SSBP3: variants seen among roughly 807,000 people sequenced by gnomAD.
The protein encoded by SSBP3 is single-stranded DNA-binding protein 3.
Under a neutral mutation model 69.6 loss-of-function variants are expected in SSBP3, and 5 were observed. That is an observed-to-expected ratio of 0.07 (90% CI 0.04 to 0.15). The LOEUF is 0.15. SSBP3 is among the 10% of genes least tolerant of loss of function. SSBP3 has a pLI of 1.00. For missense variants in SSBP3, 312 were observed against 534.0 expected (o/e 0.58, Z 4.10); for synonymous variants, 196 against 193.4 (o/e 1.01, Z -0.11).
chr1:54,264,433 A>C (rs950884893), intron 5 of SSBP3, among the ~76,000 whole-genome samples: 1 of 152,230 alleles, frequency 6.6e-6, no homozygotes, highest in Non-Finnish European at 1.5e-5. Flanking sequence ...ATATTCCTCA[A>C]ATCTGCCTAC....
At position 54,275,396 on chromosome 1, in the gene SSBP3, C is replaced by T. The variant is rs183721101; in HGVS notation, c.366+6042G>A. On this transcript the variant is annotated intron_variant, in intron 5 of 17. Coordinates refer to ENST00000610401, the Ensembl canonical transcript of SSBP3. ...TCTCCCCTTGTCACAAACTTGTCCT[C>T]GTCAGCAAAGAGAGGCCTTTCCTGC... is the stretch of plus-strand genomic sequence containing the variant. Among the ~76,000 whole-genome samples the T allele has an allele frequency of 2.2e-4, 33 of 152,374 alleles. 1 individual carries two copies. In the South Asian group the frequency reaches 4.1e-3, roughly 19 times the overall value.
chr1:54,268,205 A>T (rs909512451), intron 5 of SSBP3, among the ~76,000 whole-genome samples: 9 of 152,248 alleles, frequency 5.9e-5, no homozygotes, highest in Non-Finnish European at 1.0e-4. Context: ...CATGGGGTGA[A>T]CGTGGCCTTG....
chr1:54,360,791 T>C (rs1275046057), intron 4 of SSBP3, among the ~76,000 whole-genome samples: 1 of 151,964 alleles, frequency 6.6e-6, no homozygotes, highest in Non-Finnish European at 1.5e-5. Context: ...TGTAAGATAA[T>C]ACATGTGGCC....
In SSBP3 at chr1:54,316,659, ATAAAAT is replaced by A. The variant is rs1449864612; in HGVS notation, c.277-35138_277-35133del. Among the ~76,000 whole-genome samples, 189 of 66,262 alleles carry A rather than the reference ATAAAAT, an allele frequency of 2.9e-3. 16 individuals are homozygous for A. The highest frequency in any genetic ancestry group is 0.02 in the Admixed American group (126 of 6,382). The allele number at this position is 66,262 out of a possible 152,430, so 43.5% of individuals were successfully genotyped here. A position where few individuals can be genotyped will look rare whatever the true frequency, so the allele number is the denominator to read the frequency against. The stretch of plus-strand genomic sequence containing the variant: ...CGAGACTCCGTCTCAAAAAAAAAAA[ATAAAAT>A]AAATAAATAAATAAATAAATAAATA... On this transcript the variant is annotated intron_variant, in intron 4 of 17. Coordinates refer to ENST00000610401, the Ensembl canonical transcript of SSBP3.
At chr1:54,404,815 G>GT in intron 2 of SSBP3, 43 bp downstream of exon 2, 3 of 1,060,374 alleles carry the variant, frequency 2.8e-6, no homozygotes, top group East Asian at 3.0e-5. Context: ...TAGTGGGGGG[G>GT]GGGGGTGTCA....
intron 4 of SSBP3, among the ~76,000 whole-genome samples, chr1:54,343,021 G>C (rs1342565531): frequency 6.6e-6 from 1 of 152,148 alleles, no homozygotes; most frequent in Non-Finnish European, 1.5e-5. Flanking sequence ...GAACCCGGCC[G>C]GTTTTCAGGA....
chr1:54,260,556 G>C (rs1371603390), intron 5 of SSBP3, among the ~76,000 whole-genome samples: 1 of 152,246 alleles, frequency 6.6e-6, no homozygotes, highest in Non-Finnish European at 1.5e-5. Flanking sequence ...AGACAGCAAG[G>C]CTGGCAGGTG....
At chr1:54,325,172 G>C (rs1375055952) in intron 4 of SSBP3, among the ~76,000 whole-genome samples, 1 of 152,166 alleles carries the variant, frequency 6.6e-6, no homozygotes, top group East Asian at 1.9e-4. Flanking sequence ...CTGGGCCCAG[G>C]ACCTCATCCC....
intron 9 of SSBP3, among the ~76,000 whole-genome samples, chr1:54,247,923 T>TCTGGCA (rs1375047274): frequency 5.9e-5 from 9 of 152,264 alleles, no homozygotes; most frequent in Non-Finnish European, 1.3e-4. Context: ...CTATCTCCTT[T>TCTGGCA]CTGGCACTGG....
intron 4 of SSBP3, among the ~76,000 whole-genome samples, chr1:54,390,925 G>C (rs557632020): frequency 1.3e-5 from 2 of 152,238 alleles, no homozygotes; most frequent in Non-Finnish European, 2.9e-5. Context: ...CCGGCAGTGC[G>C]CACACGCCCG....
intron 4 of SSBP3, among the ~76,000 whole-genome samples, chr1:54,361,229 G>A (rs946573032): frequency 6.6e-6 from 1 of 152,162 alleles, no homozygotes; most frequent in Non-Finnish European, 1.5e-5. Flanking sequence ...GAAGGGAGAT[G>A]CTAATTCAGG....
chr1:54,279,963 C>T (rs1318797047), intron 5 of SSBP3, among the ~76,000 whole-genome samples: 1 of 152,216 alleles, frequency 6.6e-6, no homozygotes, highest in Admixed American at 6.5e-5. Context: ...CTGGAGCTCA[C>T]ACACCTATTT....
chr1:54,233,132 G>A (rs1353657059), intron 14 of SSBP3, among the ~76,000 whole-genome samples: 7 of 151,372 alleles, frequency 4.6e-5, no homozygotes, highest in Non-Finnish European at 8.8e-5. Context: ...TCTAGGAAGT[G>A]AGGAGCGCCT....
At chr1:54,282,585 C>A (rs1280612419) in intron 4 of SSBP3, among the ~76,000 whole-genome samples, 1 of 152,202 alleles carries the variant, frequency 6.6e-6, no homozygotes, top group Non-Finnish European at 1.5e-5. Flanking sequence ...GATCTGTGTG[C>A]AACCTATTCA....
chr1:54,313,409 G>GCT (rs574532997), intron 4 of SSBP3, among the ~76,000 whole-genome samples: 73 of 149,402 alleles, frequency 4.9e-4, no homozygotes, highest in African/African-American at 1.6e-3. Flanking sequence ...AACTAGGGGG[G>GCT]CTCACACCGA....
At chr1:54,373,690 C>T in intron 4 of SSBP3, among the ~76,000 whole-genome samples, 1 of 151,824 alleles carries the variant, frequency 6.6e-6, no homozygotes, top group East Asian at 1.9e-4. Context: ...TTGCTTGAGC[C>T]CGGGAGGTGG....
At chr1:54,255,737 CAAAAT>C (rs1424067967) in intron 7 of SSBP3, 3 of 146,560 alleles carry the variant, frequency 2.0e-5, no homozygotes, top group African/African-American at 7.8e-5. Context: ...GAAAAAAAAA[CAAAAT>C]AAAAAGGTGG....
chr1:54,359,818 T>C (rs531338546), intron 4 of SSBP3, among the ~76,000 whole-genome samples: 10 of 152,178 alleles, frequency 6.6e-5, no homozygotes, highest in African/African-American at 9.6e-5. Context: ...GCCATCTTGG[T>C]ACCCCACAGC....
At chr1:54,412,469 G>A (rs1212937533) in intron 1 of SSBP3, among the ~76,000 whole-genome samples, 1 of 152,188 alleles carries the variant, frequency 6.6e-6, no homozygotes, top group African/African-American at 2.4e-5. Context: ...TACGATTCCG[G>A]TCATATGAAG....
Sources: gnomAD v4.1 joint callset for allele counts (sites outside exome capture counted in the v4.1 genomes callset) on GRCh38, gnomAD v4.1.1 for gene constraint, MANE v1.5 for transcripts, NCBI Gene and HGNC (gene_info 2026-07-23, HGNC 2026-07-21) for gene names.